KL: variants seen among roughly 807,000 people sequenced by gnomAD.
KL encodes alpha-klotho.
Under a neutral mutation model 84.2 loss-of-function variants are expected in KL, and 62 were observed. The observed-to-expected ratio is 0.74, with a 90% CI of 0.60 to 0.91. The LOEUF (loss-of-function observed/expected upper bound fraction) is 0.91, where lower values mean the gene tolerates loss of function less well. Ranked by LOEUF, KL falls within the 40% of genes least tolerant of loss-of-function variation. The probability of loss-of-function intolerance (pLI) is 0.00; values close to 1 mark genes in which losing one functional copy is unlikely to be tolerated. For missense variants in KL, 1,261 were observed against 1,305.7 expected, an observed-to-expected ratio of 0.97 and a Z score of 0.53; for synonymous variants, 528 against 528.0, an observed-to-expected ratio of 1.00 and a Z score of 0.00.
intron 1 of KL, among the ~76,000 whole-genome samples, chr13:33,038,635 A>G (rs1449457528): frequency 1.3e-5 from 2 of 152,224 alleles, no homozygotes; most frequent in Non-Finnish European, 2.9e-5. Flanking sequence ...AGTATTAATA[A>G]TTTTGGTATG....
At chr13:33,027,988 G>A (rs748916446) in intron 1 of KL, among the ~76,000 whole-genome samples, 1 of 152,198 alleles carries the variant, frequency 6.6e-6, no homozygotes, top group Non-Finnish European at 1.5e-5. Flanking sequence ...GAAGGAGAGT[G>A]GGCAGGGAGA....
upstream of KL, chr13:33,016,384 G>C: frequency 2.0e-5 from 4 of 195,980 alleles, no homozygotes; most frequent in Non-Finnish European, 3.6e-5. Context: ...CGGGCGCGGC[G>C]GGGCGCGGGC....
intron 1 of KL, among the ~76,000 whole-genome samples, chr13:33,029,958 T>G (rs1435394155): frequency 1.3e-5 from 2 of 151,818 alleles, no homozygotes; most frequent in African/African-American, 4.8e-5. Flanking sequence ...TTAAAGGAAT[T>G]TATTTCCTCA....
rs547049483 is a variant in KL, at chr13:33,053,961, C to T, written c.1014C>T (p.Pro338=). Reference sequence around the variant, plus strand: ...CCGTATTTATTGATGGTGACTATCCCGAGAGCATGAAGAATAACCTTTCAT... The same window carrying T: ...CCGTATTTATTGATGGTGACTATCCTGAGAGCATGAAGAATAACCTTTCAT... ...AKPVFIDGDY[P]ESMKNNLSSI... Residue 338 remains proline, a synonymous_variant, in exon 2 of 5, where the codon CCC becomes CCT. Transcript: ENST00000380099. 47 of 1,613,934 alleles carry T rather than the reference C, an allele frequency of 2.9e-5. No individual in the cohort carries two copies. The Middle Eastern group carries it at 4.9e-4, about 17-fold the overall frequency.
Position 33,061,269 on chromosome 13 carries a change from G to A in KL, c.2190G>A (p.Leu730=). 1 of 1,614,202 alleles carries A rather than the reference G, an allele frequency of 6.2e-7. No homozygotes were observed. Among genetic ancestry groups the A allele is most frequent in the Non-Finnish European group, 8.5e-7 (1 of 1,180,036 alleles). The change falls in exon 4 of 5, where the codon TTG becomes TTA. Residue 730 remains leucine, a synonymous_variant. Coordinates refer to ENST00000380099, the MANE Select transcript of KL (RefSeq NM_004795.4). ...HAQNGKISIA[L]QADWIEPACP... ...AGAATGGGAAAATATCCATAGCCTTGCAGGCTGATTGGATAGAACCTGCCT... is the reference window on the plus strand; with the variant it reads ...AGAATGGGAAAATATCCATAGCCTTACAGGCTGATTGGATAGAACCTGCCT...
chr13:33,031,110 A>G (rs1839457169), intron 1 of KL, among the ~76,000 whole-genome samples: 1 of 152,246 alleles, frequency 6.6e-6, no homozygotes, highest in Admixed American at 6.5e-5. Flanking sequence ...GAGCCGACTG[A>G]GTTCCTAGCT....
chr13:33,027,959 A>G (rs953420796), intron 1 of KL, among the ~76,000 whole-genome samples: 2 of 152,218 alleles, frequency 1.3e-5, no homozygotes, highest in African/African-American at 2.4e-5. Context: ...TTGGATCATG[A>G]TGTGTGTCCA....
At chr13:33,056,163 T>C (rs1456569807) in intron 3 of KL, among the ~76,000 whole-genome samples, 1 of 152,066 alleles carries the variant, frequency 6.6e-6, no homozygotes, top group Non-Finnish European at 1.5e-5. Context: ...GGCATGGTGG[T>C]AAGTAACAAG....
rs754149938 is a variant in KL, at chr13:33,061,328, A to C, written c.2249A>C (p.Glu750Ala). ...TCCCAAAAGGACAAAGAGGTGGCTG[A>C]GAGAGTTTTGGAATTTGACATTGGC... The part of the protein sequence containing the change: ...PFSQKDKEVA[E>A]RVLEFDIGWL... Residue 750 changes from glutamate to alanine, a missense_variant, in exon 4 of 5, where the codon GAG becomes GCG. Physicochemically the swap from Glu to Ala is moderately radical, Grantham distance 107. Coordinates refer to ENST00000380099, the MANE Select transcript of KL (RefSeq NM_004795.4). 6.2e-7 allele frequency: 1 copy of C among 1,614,168 alleles called. No homozygotes were observed. The highest frequency in any genetic ancestry group is 8.5e-7 in the Non-Finnish European group (1 of 1,180,014).
chr13:33,063,951 T>C lies in KL; in HGVS notation c.2804T>C (p.Phe935Ser), dbSNP rs1468160056. 1.2e-6 allele frequency: 2 copies of C among 1,614,094 alleles called. No individual in the cohort carries two copies. The highest frequency in any genetic ancestry group is 2.2e-5 in the East Asian group (1 of 44,900). Residue 935 changes from phenylalanine to serine, a missense_variant, in exon 5 of 5, where the codon TTT (phenylalanine) becomes TCT (serine). Physicochemically the swap from Phe to Ser is radical, Grantham distance 155. Coordinates refer to ENST00000380099, the MANE Select transcript of KL (RefSeq NM_004795.4). ...FGLYRYAADQ[F>S]EPKASMKHYR... ...CTCTATCGTTATGCTGCAGATCAGT[T>C]TGAGCCCAAGGCATCCATGAAACAT...
At chr13:33,028,525 T>C (rs1050074021) in intron 1 of KL, among the ~76,000 whole-genome samples, 2 of 152,154 alleles carry the variant, frequency 1.3e-5, no homozygotes, top group African/African-American at 4.8e-5. Flanking sequence ...GATGATGAAC[T>C]GTAGACCCAT....
At chr13:33,036,838 C>T (rs1251747035) in intron 1 of KL, among the ~76,000 whole-genome samples, 1 of 152,002 alleles carries the variant, frequency 6.6e-6, no homozygotes, top group Non-Finnish European at 1.5e-5. Context: ...GTATGTTTTA[C>T]CACAGTAAAA....
intron 1 of KL, among the ~76,000 whole-genome samples, chr13:33,032,948 TA>T (rs139325617): frequency 0.038 from 5,632 of 149,512 alleles, 335 homozygotes; most frequent in African/African-American, 0.13. Flanking sequence ...GCCATTGCAT[TA>T]AAAAAAAAAT....
chr13:33,053,581 C>T (rs966754646), intron 1 of KL, among the ~76,000 whole-genome samples, 186 bp from the exon 2 acceptor site: 9 of 152,158 alleles, frequency 5.9e-5, no homozygotes, highest in African/African-American at 9.7e-5. Context: ...CTCTAGTCCC[C>T]GTAGCACCTC....
chr13:33,054,343 C>G, intron 2 of KL, 66 bp downstream of exon 2: 1 of 1,462,078 alleles, frequency 6.8e-7, no homozygotes, highest in Non-Finnish European at 9.5e-7. Flanking sequence ...CTAAGATTAT[C>G]TAACATAAAT....
Position 33,016,452 on chromosome 13 carries a change from C to A in KL, c.12C>A (p.Ser4Arg). ...GGCTCCCGCGCAGCATGCCCGCCAG[C>A]GCCCCGCCGCGCCGCCCGCGGCCGC... MPA[S>R]APPRRPRPPP... is the part of the protein sequence containing the mutation. Residue 4 changes from serine (S) to arginine (R), a missense_variant, in exon 1 of 5, where the codon AGC becomes AGA. Transcript: ENST00000380099. 5.2e-6 allele frequency: 5 copies of A among 955,390 alleles called. No individual in the cohort carries two copies. Among genetic ancestry groups the A allele is most frequent in the Non-Finnish European group, 6.2e-6 (5 of 805,972 alleles). 59.2% of individuals were successfully genotyped at this position (955,390 alleles called of 1,614,324 possible).
intron 3 of KL, among the ~76,000 whole-genome samples, chr13:33,056,497 A>C (rs1871961410): frequency 6.6e-6 from 1 of 152,160 alleles, no homozygotes; most frequent in Non-Finnish European, 1.5e-5. Flanking sequence ...TCTCAGACTT[A>C]AACCCTCGCC....
intron 1 of KL, among the ~76,000 whole-genome samples, chr13:33,024,119 C>T (rs1487591743): frequency 8.9e-6 from 1 of 112,834 alleles, no homozygotes; most frequent in Admixed American, 8.0e-5. Context: ...GACAAGACAT[C>T]TTTCACATAT....
At chr13:33,033,559 G>T (rs1421024185) in intron 1 of KL, among the ~76,000 whole-genome samples, 1 of 152,038 alleles carries the variant, frequency 6.6e-6, no homozygotes, top group Non-Finnish European at 1.5e-5. Flanking sequence ...TGCCTGGAAG[G>T]TTCTTCCCAA....
Sources: gnomAD v4.1 joint callset for allele counts (sites outside exome capture counted in the v4.1 genomes callset) on GRCh38, gnomAD v4.1.1 for gene constraint, MANE v1.5 for transcripts, NCBI Gene and HGNC (gene_info 2026-07-23, HGNC 2026-07-21) for gene names.